LIPE: variants seen among roughly 807,000 people sequenced by gnomAD.
LIPE encodes the protein lipase E, hormone sensitive type, also known as hormone-sensitive lipase.
In LIPE, 66 loss-of-function variants were observed where a neutral mutation model predicts 88.5. The ratio of observed to expected loss-of-function variants is 0.75; its 90% CI spans 0.61 to 0.91. The LOEUF is 0.91. Ranked by LOEUF, LIPE falls within the 40% of genes least tolerant of loss-of-function variation. The probability of loss-of-function intolerance (pLI) is 0.00; values close to 1 mark genes in which losing one functional copy is unlikely to be tolerated. For synonymous variants in LIPE, 570 were observed against 617.5 expected (o/e 0.92, Z 1.14); for missense variants, 1,346 against 1,434.7 (o/e 0.94, Z 1.00).
chr19:42,409,122 G>A (rs1476831467), intron 2 of LIPE, among the ~76,000 whole-genome samples: 1 of 152,054 alleles, frequency 6.6e-6, no homozygotes, highest in Non-Finnish European at 1.5e-5. Context: ...GAGATGGCCA[G>A]AGACAGCCCC....
At position 42,408,325 on chromosome 19, in the gene LIPE, G is replaced by C. The variant is rs2040256777; in HGVS notation, c.1420-3C>G. 1 of 1,613,288 alleles carries C rather than the reference G, an allele frequency of 6.2e-7. No individual in the cohort carries two copies. Among genetic ancestry groups the C allele is most frequent in the Non-Finnish European group, 8.5e-7 (1 of 1,179,434 alleles). ...AATGGCCGGATGGCAGGCGTGAACTGTGGAGAGACGCGGCTGCGTCACCCA... is the reference window on the plus strand; with the variant it reads ...AATGGCCGGATGGCAGGCGTGAACTCTGGAGAGACGCGGCTGCGTCACCCA... On this transcript the variant is annotated splice_region_variant and splice_polypyrimidine_tract_variant and intron_variant, in intron 2 of 9. Coordinates refer to ENST00000244289, the MANE Select transcript of LIPE (RefSeq NM_005357.4). The surrounding 1 kb of genome is among the most constrained non-coding windows in gnomAD (Gnocchi z 4.3).
chr19:42,401,877 C>G lies in LIPE; in HGVS notation c.3166G>C (p.Gly1056Arg). The G allele has an allele frequency of 2.6e-6, 4 of 1,534,624 alleles. No individual in the cohort carries two copies. The highest frequency in any genetic ancestry group is 2.6e-6 in the Non-Finnish European group (3 of 1,146,036). ...RIRLVLTPPA[G>R]AGPSGETGAA... ...CCCGTCTCCCCGCTCGGCCCGGCTC[C>G]GGCGGGAGGAGTGAGGACGAGGCGG... Residue 1056 changes from glycine (G) to arginine (R), a missense_variant, in exon 10 of 10, where the codon GGA (glycine) becomes CGA (arginine). Coordinates refer to ENST00000244289, the MANE Select transcript of LIPE (RefSeq NM_005357.4).
At position 42,426,433 on chromosome 19, in the gene LIPE, TC is replaced by T; in HGVS notation, c.716del (p.Gly239AspfsTer20). ...VTDSESESDVGSSSDTDSPAT... is the reference protein window; with the variant it reads ...VTDSESESDVXSSSDTDSPAT... The stretch of plus-strand genomic sequence containing the variant: ...CTGGAGAATCTGTGTCTGAAGATGA[TC>T]CCACATCTGATTCTGACTCAGAATC... On this transcript the variant is annotated frameshift_variant, in exon 1 of 10. Coordinates refer to ENST00000244289, the MANE Select transcript of LIPE (RefSeq NM_005357.4). LOFTEE classifies it high-confidence loss of function. 1 of 1,614,064 alleles carries T rather than the reference TC, an allele frequency of 6.2e-7. No homozygotes were observed. Among genetic ancestry groups the T allele is most frequent in the Non-Finnish European group, 8.5e-7 (1 of 1,179,946 alleles).
At chr19:42,423,591 G>A (rs2040646626) in intron 1 of LIPE, 1 of 1,212,434 alleles carries the variant, frequency 8.2e-7, no homozygotes. Context: ...GCCCTGCCCG[G>A]AGGGCCAATC....
intron 1 of LIPE, among the ~76,000 whole-genome samples, chr19:42,412,916 G>A (rs898403766): frequency 6.6e-6 from 1 of 152,212 alleles, no homozygotes; most frequent in African/African-American, 2.4e-5. Flanking sequence ...AGCCGATTAA[G>A]GGCAGTGCCA....
intron 1 of LIPE, among the ~76,000 whole-genome samples, chr19:42,415,606 C>T (rs1453971142): frequency 6.6e-6 from 1 of 151,926 alleles, no homozygotes; most frequent in African/African-American, 2.4e-5. Flanking sequence ...GTCAGGAGAT[C>T]GGGACCATCC....
chr19:42,406,694 C>G lies in LIPE; in HGVS notation c.2138-306G>C, dbSNP rs1196800840. Reference sequence around the variant, plus strand: ...TGGGAAAGGGGAGCTGAGCTCAGGCCTGTTGCAGGAGGGGGGCCTCAGAGG... The same window carrying G: ...TGGGAAAGGGGAGCTGAGCTCAGGCGTGTTGCAGGAGGGGGGCCTCAGAGG... On this transcript the variant is annotated intron_variant, in intron 6 of 9. Coordinates refer to ENST00000244289, the MANE Select transcript of LIPE (RefSeq NM_005357.4). The surrounding 1 kb of genome is among the most constrained non-coding windows in gnomAD (Gnocchi z 5.7). Among the ~76,000 whole-genome samples, 2 of 152,022 alleles carry G rather than the reference C, an allele frequency of 1.3e-5. No individual in the cohort carries two copies. The highest frequency in any genetic ancestry group is 1.5e-5 in the Non-Finnish European group (1 of 68,000).
At position 42,406,171 on chromosome 19, in the gene LIPE, G is replaced by A. The variant is rs374003849; in HGVS notation, c.2355C>T (p.Ser785=). 286 of 1,606,968 alleles carry A rather than the reference G, an allele frequency of 1.8e-4. No individual in the cohort carries two copies. The highest frequency in any genetic ancestry group is 5.0e-4 in the Middle Eastern group (3 of 6,018). The change falls in exon 7 of 10, where the codon AGC becomes AGT. Residue 785 remains serine (S), a synonymous_variant. Coordinates refer to ENST00000244289, the MANE Select transcript of LIPE (RefSeq NM_005357.4). This position sits in a 1 kb window ranked among gnomAD's most constrained non-coding sequence, Gnocchi z 5.7. The part of the protein sequence containing the change: ...LPLSVLSKCV[S]AYAGAKTEDH... ...GGGTGTGGGCCTCACCAGCATAGGC[G>A]CTGACACACTTGGAGAGCACACTGA...
At chr19:42,415,665 C>T (rs1377981140) in intron 1 of LIPE, among the ~76,000 whole-genome samples, 1 of 152,034 alleles carries the variant, frequency 6.6e-6, no homozygotes, top group Non-Finnish European at 1.5e-5. Context: ...AAAAAATCAG[C>T]CGGGCGTGGT....
At position 42,408,050 on chromosome 19, in the gene LIPE, C is replaced by T; in HGVS notation, c.1582G>A (p.Glu528Lys). 1.2e-6 allele frequency: 2 copies of T among 1,613,902 alleles called. No individual in the cohort carries two copies. Among genetic ancestry groups the T allele is most frequent in the Non-Finnish European group, 1.7e-6 (2 of 1,179,884 alleles). ...IDPELRGAEF[E>K]RITQNLDVHF... ...ACGTCCAGGTTCTGTGTGATCCGCT[C>T]AAACTCAGCCCCACGCAGCTCGGGG... The change falls in exon 4 of 10, where the codon GAG becomes AAG. Residue 528 changes from glutamate (E) to lysine (K), a missense_variant. By Grantham distance (56) the Glu-to-Lys change is moderately conservative. Transcript: ENST00000244289. This position sits in a 1 kb window ranked among gnomAD's most constrained non-coding sequence, Gnocchi z 4.3.
Position 42,406,660 on chromosome 19 carries a change from G to A in LIPE, c.2138-272C>T, listed in dbSNP as rs1225190348. ...GGGGCTGGAGGTTGGGAGCAGGGAG[G>A]GCAGGTGGTGGGAAAGGGGAGCTGA... On this transcript the variant is annotated intron_variant, in intron 6 of 9. Coordinates refer to ENST00000244289, the MANE Select transcript of LIPE (RefSeq NM_005357.4). The surrounding 1 kb of genome is among the most constrained non-coding windows in gnomAD (Gnocchi z 5.7). 1.3e-5 allele frequency among the ~76,000 whole-genome samples: 2 copies of A among 152,150 alleles called. No homozygotes were observed. Among genetic ancestry groups the A allele is most frequent in the Non-Finnish European group, 2.9e-5 (2 of 68,026 alleles).
At chr19:42,426,150 C>G in intron 1 of LIPE, 117 bp downstream of exon 1, 1 of 265,068 alleles carries the variant, frequency 3.8e-6, no homozygotes. Flanking sequence ...TGATCTTTAT[C>G]TCAGGATTGT....
Position 42,405,482 on chromosome 19 carries a change from C to T in LIPE, c.2445G>A (p.Leu815=), listed in dbSNP as rs1363423962. 1 of 1,614,090 alleles carries T rather than the reference C, an allele frequency of 6.2e-7. No individual in the cohort carries two copies. The highest frequency in any genetic ancestry group is 1.1e-5 in the South Asian group (1 of 91,078). The change falls in exon 8 of 10, where the codon CTG becomes CTA. Residue 815 remains leucine (L), a synonymous_variant. Coordinates refer to ENST00000244289, the MANE Select transcript of LIPE (RefSeq NM_005357.4). ...CACCCAGGCGGAAGTCTCGGAGGAGCAGGGCTGTGTCCCGCCGCACCAGCC... is the reference window on the plus strand; with the variant it reads ...CACCCAGGCGGAAGTCTCGGAGGAGTAGGGCTGTGTCCCGCCGCACCAGCC... ...MMGLVRRDTA[L]LLRDFRLGAS...
intron 7 of LIPE, 167 bp downstream of exon 7, chr19:42,405,974 TCTCACACACACACACACACA>T: frequency 2.1e-6 from 1 of 481,804 alleles, no homozygotes; most frequent in Non-Finnish European, 3.6e-6. Flanking sequence ...TCTCTCTCTC[TCTCACACACACACACACACA>T]CACACACACA....
At chr19:42,409,678 G>A (rs2040311014) in intron 2 of LIPE, among the ~76,000 whole-genome samples, 1 of 152,260 alleles carries the variant, frequency 6.6e-6, no homozygotes, top group Non-Finnish European at 1.5e-5. Flanking sequence ...CCTGATGCCT[G>A]GCTATTGTGG....
In LIPE at chr19:42,408,596, A is replaced by G. The variant is rs2040269772; in HGVS notation, c.1420-274T>C. 1 of 462,362 alleles carries G rather than the reference A, an allele frequency of 2.2e-6. No homozygotes were observed. The highest frequency in any genetic ancestry group is 3.5e-5 in the Admixed American group (1 of 28,498). The allele number at this position is 462,362 out of a possible 1,614,324, so 28.6% of individuals were successfully genotyped here. A position where few individuals can be genotyped will look rare whatever the true frequency, so the allele number is the denominator to read the frequency against. ...AAAAAAGGCAGTAGGTGGAGAGGGC[A>G]CCAGTGATGACTAGGGGTCAGGCTA... On this transcript the variant is annotated intron_variant, in intron 2 of 9. Coordinates refer to ENST00000244289, the MANE Select transcript of LIPE (RefSeq NM_005357.4). This position sits in a 1 kb window ranked among gnomAD's most constrained non-coding sequence, Gnocchi z 4.3.
At chr19:42,423,731 A>T (rs188116204) in intron 1 of LIPE, 16 of 1,130,552 alleles carry the variant, frequency 1.4e-5, no homozygotes, top group Non-Finnish European at 1.6e-5. Context: ...AGAATTTAAG[A>T]TCTGGCTCCG....
At position 42,407,821 on chromosome 19, in the gene LIPE, G is replaced by A. The variant is rs1310012068; in HGVS notation, c.1657-30C>T. 1.3e-6 allele frequency: 2 copies of A among 1,547,428 alleles called. No homozygotes were observed. ...AGGGAGGGGACAGAAGGGGTGCTAG[G>A]GAAGGTCTGCCTGCAGGGGTGCCCT... On this transcript the variant is annotated intron_variant, in intron 4 of 9. Transcript: ENST00000244289. The surrounding 1 kb of genome is among the most constrained non-coding windows in gnomAD (Gnocchi z 5.8).
At position 42,410,987 on chromosome 19, in the gene LIPE, G is replaced by C. The variant is rs374856480; in HGVS notation, c.884-145C>G. On this transcript the variant is annotated intron_variant, in intron 1 of 9. Transcript: ENST00000244289. This position sits in a 1 kb window ranked among gnomAD's most constrained non-coding sequence, Gnocchi z 6.1. ...CAGTTCCAGGGGCCCAGGACCCCAG[G>C]TTCCTCCTCCCTTAGACATAAGAGG... 2 of 841,946 alleles carry C rather than the reference G, an allele frequency of 2.4e-6. No individual in the cohort carries two copies. Among genetic ancestry groups the C allele is most frequent in the African/African-American group, 1.7e-5 (1 of 59,258 alleles). The allele number at this position is 841,946 out of a possible 1,614,324, so 52.2% of individuals were successfully genotyped here. A position where few individuals can be genotyped will look rare whatever the true frequency, so the allele number is the denominator to read the frequency against.
Sources: gnomAD v4.1 joint callset for allele counts (sites outside exome capture counted in the v4.1 genomes callset) on GRCh38, gnomAD v4.1.1 for gene constraint, Gnocchi (gnomAD v3.1) non-coding constraint, MANE v1.5 for transcripts, NCBI Gene and HGNC (gene_info 2026-07-23, HGNC 2026-07-21) for gene names.